Variants in ABCB5 observed in about 807,000 individuals in gnomAD.
ABCB5 encodes the protein ATP-binding cassette sub-family B member 5.
Under a neutral mutation model 144.2 loss-of-function variants are expected in ABCB5, and 155 were observed. That is an observed-to-expected ratio of 1.08 (90% CI 0.94 to 1.23). The LOEUF (loss-of-function observed/expected upper bound fraction) is 1.23, where lower values mean the gene tolerates loss of function less well. ABCB5 is among the 50% of genes most tolerant of loss of function. The probability of loss-of-function intolerance (pLI) is 0.00; values close to 1 mark genes in which losing one functional copy is unlikely to be tolerated. For missense variants in ABCB5, 1,830 were observed against 1,520.8 expected, an observed-to-expected ratio of 1.20 and a Z score of -3.38; for synonymous variants, 610 against 528.6, an observed-to-expected ratio of 1.15 and a Z score of -2.11.
In ABCB5 at chr7:20,713,386, G is replaced by T. The variant is rs748424514; in HGVS notation, c.2421+8579G>T. 1.2e-4 allele frequency among the ~76,000 whole-genome samples: 18 copies of T among 148,856 alleles called. 4 individuals carry two copies. The highest frequency in any genetic ancestry group is 8.7e-4 in the Admixed American group (13 of 14,926). On this transcript the variant is annotated intron_variant, in intron 20 of 27. Transcript: ENST00000404938. Reference sequence around the variant, plus strand: ...CATGCAGCTGAAATGAGAGGTACATGGTACCACACTCAGCTAATTTTTTTA... The same window carrying T: ...CATGCAGCTGAAATGAGAGGTACATTGTACCACACTCAGCTAATTTTTTTA...
At chr7:20,705,100 T>C (rs1786777106) in intron 20 of ABCB5, among the ~76,000 whole-genome samples, 1 of 152,206 alleles carries the variant, frequency 6.6e-6, no homozygotes, top group South Asian at 2.1e-4. Flanking sequence ...ATTAAATAGT[T>C]AGATAAGGAA....
rs141693616 is a variant in ABCB5 at position 20,739,199 on chromosome 7, C to T, written c.3024+60C>T. ...AGATGGCAACAGTAGGAACTGGGGG[C>T]CACTGAAGATGGGAGGGAGAGAGGG... On this transcript the variant is annotated intron_variant, in intron 24 of 27. Coordinates refer to ENST00000404938, the MANE Select transcript of ABCB5 (RefSeq NM_001163941.2). The T allele has an allele frequency of 3.9e-4, 572 of 1,455,232 alleles. 6 individuals carry two copies. In the East Asian group the frequency reaches 0.013, roughly 33 times the overall value. The allele number at this position is 1,455,232 out of a possible 1,614,324, so 90.1% of individuals were successfully genotyped here.
chr7:20,627,043 C>T (rs1433593777), intron 3 of ABCB5, among the ~76,000 whole-genome samples: 1 of 151,952 alleles, frequency 6.6e-6, no homozygotes, highest in Non-Finnish European at 1.5e-5. Context: ...CCTTTTAAAT[C>T]AAAAATAATT....
At chr7:20,738,499 A>G (rs1188727312) in intron 23 of ABCB5, among the ~76,000 whole-genome samples, 3 of 152,198 alleles carry the variant, frequency 2.0e-5, no homozygotes, top group Non-Finnish European at 4.4e-5. Flanking sequence ...CTCTCTAAAT[A>G]ATGTAGCATA....
Position 20,658,532 on chromosome 7 carries a change from AG to A in ABCB5, c.1565del (p.Gly522GlufsTer4). 6.2e-7 allele frequency: 1 copy of A among 1,613,894 alleles called. No homozygotes were observed. Among genetic ancestry groups the A allele is most frequent in the South Asian group, 1.1e-5 (1 of 91,016 alleles). On this transcript the variant is annotated frameshift_variant, in exon 14 of 28. Coordinates refer to ENST00000404938, the MANE Select transcript of ABCB5 (RefSeq NM_001163941.2). LOFTEE classifies it high-confidence loss of function. Reference sequence around the variant, plus strand: ...AATTTAATACATTGGTAGGGGAAAAAGGAGCTCAAATGAGTGGAGGGCAGAA... The same window carrying A: ...AATTTAATACATTGGTAGGGGAAAAAGAGCTCAAATGAGTGGAGGGCAGAA... Reference protein sequence around the residue: ...NKFNTLVGEKGAQMSGGQKQR... With the variant: ...NKFNTLVGEKXAQMSGGQKQR...
chr7:20,627,095 T>C (rs1182850933), intron 3 of ABCB5, among the ~76,000 whole-genome samples: 1 of 152,236 alleles, frequency 6.6e-6, no homozygotes, highest in Non-Finnish European at 1.5e-5. Flanking sequence ...ATAATGTGTC[T>C]GTACACTTCT....
At chr7:20,691,475 G>C (rs1786227789) in intron 16 of ABCB5, among the ~76,000 whole-genome samples, 1 of 151,910 alleles carries the variant, frequency 6.6e-6, no homozygotes, top group Non-Finnish European at 1.5e-5. Flanking sequence ...ACCAGAGGCA[G>C]GGTATATATC....
intron 5 of ABCB5, among the ~76,000 whole-genome samples, chr7:20,635,478 A>G (rs1213857865): frequency 6.6e-6 from 1 of 151,566 alleles, no homozygotes; most frequent in Non-Finnish European, 1.5e-5. Flanking sequence ...AATTGCATTG[A>G]ATGTATAGAT....
chr7:20,665,768 GATACATACATACATACATAC>G (rs67828264), intron 14 of ABCB5, among the ~76,000 whole-genome samples: 6 of 125,432 alleles, frequency 4.8e-5, no homozygotes, highest in Non-Finnish European at 8.2e-5. Context: ...GATAGATAGA[GATACATACATACATACATAC>G]ATACATACAT....
chr7:20,628,250 C>T (rs557742230), intron 3 of ABCB5, among the ~76,000 whole-genome samples: 139 of 152,058 alleles, frequency 9.1e-4, no homozygotes, highest in African/African-American at 2.9e-3. Flanking sequence ...TGAGTGAGAA[C>T]ATGCGGTGTT....
chr7:20,721,047 C>G lies in ABCB5; in HGVS notation c.2422-1969C>G, dbSNP rs112298506. On this transcript the variant is annotated intron_variant, in intron 20 of 27. Coordinates refer to ENST00000404938, the MANE Select transcript of ABCB5 (RefSeq NM_001163941.2). Reference sequence around the variant, plus strand: ...AAATGTGTGATTCCAATGTAGATATCCTTTCACTATAAAATACATTATTGA... The same window carrying G: ...AAATGTGTGATTCCAATGTAGATATGCTTTCACTATAAAATACATTATTGA... Among the ~76,000 whole-genome samples, 1,303 of 151,350 alleles carry G rather than the reference C, an allele frequency of 8.6e-3. 19 individuals are homozygous for G. Among genetic ancestry groups the G allele is most frequent in the African/African-American group, 0.03 (1,229 of 41,244 alleles).
chr7:20,741,479 A>G (rs1782559445), intron 24 of ABCB5, among the ~76,000 whole-genome samples: 1 of 152,104 alleles, frequency 6.6e-6, no homozygotes, highest in African/African-American at 2.4e-5. Context: ...AATAATATTC[A>G]TAGGTTGTAG....
intron 4 of ABCB5, among the ~76,000 whole-genome samples, chr7:20,629,174 G>GTC (rs1410085258): frequency 5.3e-5 from 8 of 151,466 alleles, no homozygotes; most frequent in African/African-American, 1.9e-4. Flanking sequence ...GTGTGTGTGT[G>GTC]TGTGTGTGTG....
At chr7:20,698,689 GA>G (rs1786507661) in intron 17 of ABCB5, 139 bp downstream of exon 17, 1 of 721,988 alleles carries the variant, frequency 1.4e-6, no homozygotes, top group East Asian at 3.1e-5. Context: ...TCCGTGATAG[GA>G]AGGTTAATTA....
chr7:20,719,073 C>T (rs73684827), intron 20 of ABCB5, among the ~76,000 whole-genome samples: 3,477 of 152,194 alleles, frequency 0.023, 128 homozygotes, highest in African/African-American at 0.08. Context: ...ACTGCATGCA[C>T]GTAATAAACC....
At chr7:20,736,267 G>C (rs548356297) in intron 23 of ABCB5, among the ~76,000 whole-genome samples, 3 of 152,242 alleles carry the variant, frequency 2.0e-5, no homozygotes. Flanking sequence ...CACCAGGCTG[G>C]AGTGCAGTGA....
At chr7:20,741,003 C>T (rs1469157145) in intron 24 of ABCB5, among the ~76,000 whole-genome samples, 7 of 150,594 alleles carry the variant, frequency 4.6e-5, no homozygotes, top group South Asian at 2.1e-4. Flanking sequence ...CTCGGGAGGC[C>T]GAGGCAGGAG....
At chr7:20,726,713 T>C (rs1208502953) in intron 21 of ABCB5, among the ~76,000 whole-genome samples, 1 of 152,158 alleles carries the variant, frequency 6.6e-6, no homozygotes, top group Non-Finnish European at 1.5e-5. Context: ...AGGAAGCTCC[T>C]TTGCATGTGA....
At chr7:20,712,212 C>A (rs1184279153) in intron 20 of ABCB5, among the ~76,000 whole-genome samples, 1 of 1,580 alleles carries the variant, frequency 6.3e-4, no homozygotes, top group Non-Finnish European at 1.0e-3. Context: ...ACTGTCTTCT[C>A]GTTTGATTTT....
Sources: allele counts gnomAD v4.1 joint callset (sites outside exome capture counted in the v4.1 genomes callset), GRCh38; gene constraint gnomAD v4.1.1; transcripts MANE v1.5; gene names NCBI Gene and HGNC (gene_info 2026-07-23, HGNC 2026-07-21).